Variants in NT5DC3 observed in about 807,000 individuals in gnomAD.
NT5DC3 encodes the protein 5'-nucleotidase domain containing 3.
In NT5DC3, 42 loss-of-function variants were observed where a neutral mutation model predicts 67.8. The observed-to-expected ratio is 0.62, with a 90% CI of 0.48 to 0.80. The LOEUF (loss-of-function observed/expected upper bound fraction) is 0.80, where lower values mean the gene tolerates loss of function less well. NT5DC3 is among the 30% of genes least tolerant of loss of function. The probability of loss-of-function intolerance (pLI) is 0.00; values close to 1 mark genes in which losing one functional copy is unlikely to be tolerated. For synonymous variants in NT5DC3, 237 were observed against 255.6 expected (o/e 0.93, Z 0.69); for missense variants, 570 against 696.4 (o/e 0.82, Z 2.04).
intron 1 of NT5DC3, among the ~76,000 whole-genome samples, chr12:103,831,327 G>C (rs1486433537): frequency 6.6e-6 from 1 of 152,008 alleles, no homozygotes; most frequent in African/African-American, 2.4e-5. Flanking sequence ...GTTTCCCAAG[G>C]CCTCCCCAGC....
intron 2 of NT5DC3, among the ~76,000 whole-genome samples, chr12:103,808,278 G>T (rs1469236755): frequency 6.6e-6 from 1 of 152,208 alleles, no homozygotes; most frequent in African/African-American, 2.4e-5. Flanking sequence ...GAATCAGGCT[G>T]GGGCCTTCTC....
intron 7 of NT5DC3, among the ~76,000 whole-genome samples, 177 bp from the exon 8 acceptor site, chr12:103,793,689 A>G (rs1056274090): frequency 6.6e-6 from 1 of 152,244 alleles, no homozygotes; most frequent in African/African-American, 2.4e-5. Flanking sequence ...TCATTCACAA[A>G]GACCCTGCCT....
chr12:103,754,504 T>C, the NT5DC3 span, among the ~76,000 whole-genome samples: 1 of 152,054 alleles, frequency 6.6e-6, no homozygotes, highest in Admixed American at 6.6e-5. Flanking sequence ...CATGAAAAAC[T>C]CTTGCAAGAG....
chr12:103,828,931 T>C (rs531355115), intron 1 of NT5DC3, among the ~76,000 whole-genome samples: 87 of 152,328 alleles, frequency 5.7e-4, no homozygotes, highest in African/African-American at 2.1e-3. Context: ...ACTCCTGGCC[T>C]CAAGTGATCT....
At chr12:103,763,209 C>CTAACCAGCTGGTTAGCCA in the NT5DC3 span, 4 of 335,602 alleles carry the variant, frequency 1.2e-5, no homozygotes, top group Admixed American at 4.4e-5. Flanking sequence ...CCCTGGGTGG[C>CTAACCAGCTGGTTAGCCA]AGGCACCAGC....
the NT5DC3 span, chr12:103,763,621 T>C: frequency 1.9e-6 from 3 of 1,609,438 alleles, no homozygotes; most frequent in Non-Finnish European, 2.5e-6. Flanking sequence ...GAGTTTGCAT[T>C]CTTATCTAGG....
At chr12:103,835,140 C>T (rs1261085547) in intron 1 of NT5DC3, among the ~76,000 whole-genome samples, 1 of 152,208 alleles carries the variant, frequency 6.6e-6, no homozygotes, top group Non-Finnish European at 1.5e-5. Flanking sequence ...CGCTGTTGAA[C>T]CCTCCCTATC....
chr12:103,758,753 A>G, the NT5DC3 span, among the ~76,000 whole-genome samples: 1 of 152,196 alleles, frequency 6.6e-6, no homozygotes, highest in Non-Finnish European at 1.5e-5. Context: ...TTCCACACCA[A>G]CCTTCTTCAT....
At chr12:103,818,765 A>G (rs190733768) in intron 1 of NT5DC3, among the ~76,000 whole-genome samples, 1 of 152,302 alleles carries the variant, frequency 6.6e-6, no homozygotes, top group East Asian at 1.9e-4. Context: ...GTTCACAAGA[A>G]CTGGTTCTAG....
At position 103,788,752 on chromosome 12, in the gene NT5DC3, C is replaced by T. The variant is rs909670679; in HGVS notation, c.1101+86G>A. The T allele has an allele frequency of 1.6e-5, 14 of 870,274 alleles. No individual in the cohort carries two copies. The Middle Eastern group carries it at 8.6e-4, about 54-fold the overall frequency. 53.9% of individuals were successfully genotyped at this position (870,274 alleles called of 1,614,324 possible). A position where few individuals can be genotyped will look rare whatever the true frequency, so the allele number is the denominator to read the frequency against. The stretch of plus-strand genomic sequence containing the variant: ...ATCACTCAGAACTGTGCCAGGCATA[C>T]AGTAAGCCACAATGAACATCAGCTA... On this transcript the variant is annotated intron_variant, in intron 10 of 13. Coordinates refer to ENST00000392876, the MANE Select transcript of NT5DC3 (RefSeq NM_001031701.3).
chr12:103,793,914 T>C (rs748907846), intron 7 of NT5DC3, 23 bp downstream of exon 7: 2 of 1,588,276 alleles, frequency 1.3e-6, no homozygotes, highest in South Asian at 2.2e-5. Flanking sequence ...GAAACTCTCT[T>C]CGTGATACTG....
intron 13 of NT5DC3, 124 bp downstream of exon 13, chr12:103,780,176 T>C: frequency 1.2e-6 from 1 of 813,458 alleles, no homozygotes; most frequent in African/African-American, 1.7e-5. Flanking sequence ...GAGGCAGACA[T>C]ACCTGGGAGC....
intron 7 of NT5DC3, 137 bp from the exon 8 acceptor site, chr12:103,793,649 G>T: frequency 1.5e-6 from 1 of 662,514 alleles, no homozygotes; most frequent in Non-Finnish European, 2.6e-6. Flanking sequence ...AAGAAGCTTT[G>T]TCCGGTGGAA....
intron 4 of NT5DC3, among the ~76,000 whole-genome samples, chr12:103,803,866 C>CCCG (rs1886687197): frequency 7.9e-6 from 1 of 126,886 alleles, no homozygotes; most frequent in African/African-American, 2.7e-5. Flanking sequence ...ACCACCCCCC[C>CCCG]CCCAAAAAAA....
At chr12:103,814,600 T>C (rs1274497336) in intron 2 of NT5DC3, among the ~76,000 whole-genome samples, 2 of 152,196 alleles carry the variant, frequency 1.3e-5, no homozygotes, top group Non-Finnish European at 2.9e-5. Flanking sequence ...TTTGAGGAAT[T>C]CCTCCTAACC....
At chr12:103,759,348 A>G in the NT5DC3 span, 4 of 1,556,036 alleles carry the variant, frequency 2.6e-6, no homozygotes, top group Non-Finnish European at 3.5e-6. Context: ...GTAGGTGCTT[A>G]ATAGATGGCA....
downstream of NT5DC3, among the ~76,000 whole-genome samples, chr12:103,771,545 G>C (rs1246713191): frequency 1.3e-5 from 2 of 152,070 alleles, no homozygotes; most frequent in African/African-American, 2.4e-5. Context: ...CAAAATACTA[G>C]ACATCCCCTC....
chr12:103,815,166 G>A, intron 1 of NT5DC3, 45 bp from the exon 2 acceptor site: 1 of 1,257,356 alleles, frequency 8.0e-7, no homozygotes, highest in South Asian at 1.6e-5. Context: ...TAATAAATAA[G>A]GGTTAGTATG....
intron 2 of NT5DC3, among the ~76,000 whole-genome samples, chr12:103,811,618 C>G (rs1472249700): frequency 6.6e-6 from 1 of 152,176 alleles, no homozygotes; most frequent in South Asian, 2.1e-4. Context: ...TGACAACTAA[C>G]TGCAATGTGG....
Sources: allele counts gnomAD v4.1 joint callset (sites outside exome capture counted in the v4.1 genomes callset), GRCh38; gene constraint gnomAD v4.1.1; transcripts MANE v1.5; gene names NCBI Gene and HGNC (gene_info 2026-07-23, HGNC 2026-07-21).